The following FCF1 variants were observed in gnomAD, a reference collection of about 807,000 sequenced individuals.
The protein encoded by FCF1 is rRNA-processing protein FCF1 homolog.
A neutral mutation model predicts 32.5 loss-of-function variants in FCF1; 17 were observed. That is an observed-to-expected ratio of 0.52 (90% CI 0.36 to 0.78). FCF1 has a LOEUF of 0.78. FCF1 is among the 30% of genes least tolerant of loss of function. The probability of loss-of-function intolerance (pLI) is 0.00; values close to 1 mark genes in which losing one functional copy is unlikely to be tolerated. For synonymous variants in FCF1, 84 were observed against 78.4 expected (o/e 1.07, Z -0.38); for missense variants, 201 against 241.1 (o/e 0.83, Z 1.10).
rs60122984 is a variant in FCF1 at position 74,725,731 on chromosome 14, G to A, written c.365+2387G>A. On this transcript the variant is annotated intron_variant, in intron 5 of 7. Coordinates refer to ENST00000341162, the MANE Select transcript of FCF1 (RefSeq NM_015962.5). ...GGGTGGATCACGAGGTCAGGAGATC[G>A]AGACCATCCTGGCTAACACGGTGAA... Among the ~76,000 whole-genome samples the A allele has an allele frequency of 3.4e-3, 523 of 151,822 alleles. 1 individual carries two copies. Among genetic ancestry groups the A allele is most frequent in the African/African-American group, 0.012 (495 of 41,456 alleles).
chr14:74,734,061 C>T lies in FCF1; in HGVS notation c.454-15C>T. On this transcript the variant is annotated splice_polypyrimidine_tract_variant and intron_variant, in intron 6 of 7. Transcript: ENST00000341162. ...CAGTGACCTCAGTGTGAACATCACT[C>T]CATGTCTCTTACAGCATAAGTGTTA... 6.3e-7 allele frequency: 1 copy of T among 1,584,132 alleles called. No homozygotes were observed. Among genetic ancestry groups the T allele is most frequent in the Non-Finnish European group, 8.7e-7 (1 of 1,152,794 alleles).
rs539351796 is a variant in FCF1 at position 74,725,018 on chromosome 14, T to C, written c.365+1674T>C. ...TGTGTGTATATGTATATGTGGTATATGTGTGCATACTGTACGCTAGATAAA... is the reference window on the plus strand; with the variant it reads ...TGTGTGTATATGTATATGTGGTATACGTGTGCATACTGTACGCTAGATAAA... On this transcript the variant is annotated intron_variant, in intron 5 of 7. Coordinates refer to ENST00000341162, the MANE Select transcript of FCF1 (RefSeq NM_015962.5). Among the ~76,000 whole-genome samples the C allele has an allele frequency of 3.3e-5, 5 of 152,086 alleles. No individual in the cohort carries two copies. In the South Asian group the frequency reaches 1.0e-3, roughly 32 times the overall value.
intron 5 of FCF1, among the ~76,000 whole-genome samples, chr14:74,732,006 C>T (rs1325508471): frequency 6.6e-6 from 1 of 152,086 alleles, no homozygotes; most frequent in Non-Finnish European, 1.5e-5. Context: ...AAAAGTCTGC[C>T]TCTACATTCA....
Position 74,735,162 on chromosome 14 carries a change from A to ATCTG in FCF1, c.*234_*237dup. ...TGTGGGGCCGCGGGGGTTGGGGGGA[A>ATCTG]TCTGTGCAGGGGGAAGCATATTACA... On this transcript the variant is annotated 3_prime_UTR_variant, in exon 8 of 8. Coordinates refer to ENST00000341162, the MANE Select transcript of FCF1 (RefSeq NM_015962.5). The ATCTG allele has an allele frequency of 4.2e-6, 2 of 472,018 alleles. No individual in the cohort carries two copies. Among genetic ancestry groups the ATCTG allele is most frequent in the Non-Finnish European group, 7.6e-6 (2 of 262,414 alleles). 29.2% of individuals were successfully genotyped at this position (472,018 alleles called of 1,614,324 possible). A position where few individuals can be genotyped will look rare whatever the true frequency, so the allele number is the denominator to read the frequency against.
At chr14:74,726,263 G>A (rs983251203) in intron 5 of FCF1, among the ~76,000 whole-genome samples, 4 of 151,736 alleles carry the variant, frequency 2.6e-5, no homozygotes, top group Admixed American at 2.6e-4. Flanking sequence ...GAAGCAGGAG[G>A]ATTCCTTGAG....
In FCF1 at chr14:74,738,034, C is replaced by G. The variant is rs2090722540; in HGVS notation, c.*3104C>G. 1 of 150,190 alleles carries G rather than the reference C, an allele frequency of 6.7e-6. No homozygotes were observed. The allele number at this position is 150,190 out of a possible 1,614,324, so 9.3% of individuals were successfully genotyped here. A position where few individuals can be genotyped will look rare whatever the true frequency, so the allele number is the denominator to read the frequency against. On this transcript the variant is annotated 3_prime_UTR_variant, in exon 8 of 8. Transcript: ENST00000341162. ...AAGAGAGAGAGAAAAAAATTAGTTT[C>G]CTACTTCACATGATTCATAAAAATA...
At chr14:74,723,595 G>A (rs1206665102) in intron 5 of FCF1, among the ~76,000 whole-genome samples, 3 of 151,932 alleles carry the variant, frequency 2.0e-5, no homozygotes, top group Admixed American at 6.6e-5. Context: ...TTGGGAGGCC[G>A]AGGCAGGCAG....
chr14:74,719,494 C>T (rs1023980181), intron 4 of FCF1, among the ~76,000 whole-genome samples: 2 of 152,004 alleles, frequency 1.3e-5, no homozygotes, highest in African/African-American at 4.8e-5. Flanking sequence ...GGCATGGTGG[C>T]TCATGCCTGT....
At chr14:74,725,420 C>T (rs2090563185) in intron 5 of FCF1, among the ~76,000 whole-genome samples, 1 of 122,006 alleles carries the variant, frequency 8.2e-6, no homozygotes, top group African/African-American at 3.2e-5. Flanking sequence ...GCGGAGGTTT[C>T]AGTGAGCTGA....
intron 5 of FCF1, among the ~76,000 whole-genome samples, chr14:74,731,249 G>A (rs979521688): frequency 5.3e-5 from 8 of 152,114 alleles, no homozygotes; most frequent in Non-Finnish European, 7.4e-5. Flanking sequence ...TAGCTGGAGG[G>A]GGGTATAGGT....
intron 4 of FCF1, among the ~76,000 whole-genome samples, chr14:74,720,872 G>A (rs1193859081): frequency 1.4e-5 from 2 of 142,778 alleles, no homozygotes; most frequent in Non-Finnish European, 3.0e-5. Context: ...CCAAGTTTTT[G>A]GGGTTTGTTT....
chr14:74,719,255 A>G (rs1015165950), intron 4 of FCF1, among the ~76,000 whole-genome samples: 10 of 150,430 alleles, frequency 6.6e-5, no homozygotes, highest in Admixed American at 1.3e-4. Context: ...TGATTATGCC[A>G]CTACACTCCA....
chr14:74,714,982 T>A (rs534499486), intron 3 of FCF1, 39 bp downstream of exon 3: 1 of 1,545,090 alleles, frequency 6.5e-7, no homozygotes, highest in Non-Finnish European at 8.7e-7. Context: ...TTTAAAACCA[T>A]AGACCTCTTA....
intron 4 of FCF1, among the ~76,000 whole-genome samples, chr14:74,716,885 A>G (rs2090428176): frequency 6.6e-6 from 1 of 152,222 alleles, no homozygotes; most frequent in African/African-American, 2.4e-5. Context: ...TAAGTTTTAA[A>G]GGCTACTATA....
At chr14:74,718,530 G>A (rs2140022054) in intron 4 of FCF1, among the ~76,000 whole-genome samples, 1 of 151,990 alleles carries the variant, frequency 6.6e-6, no homozygotes, top group South Asian at 2.1e-4. Context: ...CTGGAGTACA[G>A]TGGGGTGATC....
chr14:74,731,871 TAGAA>T (rs1033898415), intron 5 of FCF1, among the ~76,000 whole-genome samples: 39 of 152,354 alleles, frequency 2.6e-4, no homozygotes, highest in African/African-American at 8.7e-4. Flanking sequence ...TCACTGTTAA[TAGAA>T]AGAGCATGGC....
intron 4 of FCF1, among the ~76,000 whole-genome samples, chr14:74,719,609 A>C (rs1275510461): frequency 1.3e-5 from 2 of 151,630 alleles, no homozygotes; most frequent in African/African-American, 4.8e-5. Context: ...AAAAGAAACC[A>C]CAAAAATTAG....
chr14:74,717,879 A>G (rs1196147437), intron 4 of FCF1, among the ~76,000 whole-genome samples: 1 of 151,884 alleles, frequency 6.6e-6, no homozygotes, highest in Non-Finnish European at 1.5e-5. Context: ...TTAAATATGT[A>G]TACTTTTTTT....
intron 4 of FCF1, among the ~76,000 whole-genome samples, chr14:74,720,852 A>G (rs2090491059): frequency 6.7e-6 from 1 of 148,786 alleles, no homozygotes; most frequent in African/African-American, 2.5e-5. Flanking sequence ...CAAGGTATCA[A>G]TCATGTTGCC....
Sources: gnomAD v4.1 joint callset for allele counts (sites outside exome capture counted in the v4.1 genomes callset) on GRCh38, gnomAD v4.1.1 for gene constraint, MANE v1.5 for transcripts, NCBI Gene and HGNC (gene_info 2026-07-23, HGNC 2026-07-21) for gene names.